Variants in ZDHHC9 observed in about 807,000 individuals in gnomAD.
The protein encoded by ZDHHC9 is zDHHC palmitoyltransferase 9.
ZDHHC9 carries 3 observed loss-of-function variants against 26.6 expected under a neutral mutation model. The ratio of observed to expected loss-of-function variants is 0.11; its 90% CI spans 0.05 to 0.29. The LOEUF is 0.29. Among genes scored for constraint, ZDHHC9 ranks in the 10% least tolerant of loss-of-function variants. ZDHHC9 has a pLI of 1.00. For synonymous variants in ZDHHC9, 111 were observed against 109.4 expected (o/e 1.01, Z -0.09); for missense variants, 146 against 296.4 (o/e 0.49, Z 3.73).
chrX:129,836,866 CA>C (rs1414410576), intron 3 of ZDHHC9, among the ~76,000 whole-genome samples: 3 of 112,374 alleles, frequency 2.7e-5, no homozygotes, highest in Non-Finnish European at 5.6e-5. Flanking sequence ...CACTGGGTAA[CA>C]CACACACTAG....
rs1927446592 is a variant in ZDHHC9 at position 129,803,731 on chromosome X, C to T, written c.*2639G>A. ...GAAATGGCTCACCACAGCCAATTTCCACCTGCCCCCAGAGGTTTGGGATCA... is the reference window on the plus strand; with the variant it reads ...GAAATGGCTCACCACAGCCAATTTCTACCTGCCCCCAGAGGTTTGGGATCA... On this transcript the variant is annotated 3_prime_UTR_variant, in exon 11 of 11. Coordinates refer to ENST00000357166, the MANE Select transcript of ZDHHC9 (RefSeq NM_016032.4). The T allele has an allele frequency of 8.9e-6, 1 of 111,902 alleles. No homozygotes were observed. Among genetic ancestry groups the T allele is most frequent in the African/African-American group, 3.3e-5 (1 of 30,748 alleles). 9.2% of individuals were successfully genotyped at this position (111,902 alleles called of 1,213,427 possible).
At chrX:129,822,162 A>C (rs1201664999) in intron 5 of ZDHHC9, among the ~76,000 whole-genome samples, 3 of 111,256 alleles carry the variant, frequency 2.7e-5, no homozygotes, top group African/African-American at 9.8e-5. Flanking sequence ...ACATATGTTT[A>C]TTGCAGCACT....
At chrX:129,821,980 T>C (rs1469014448) in intron 5 of ZDHHC9, among the ~76,000 whole-genome samples, 1 of 110,864 alleles carries the variant, frequency 9.0e-6, no homozygotes, top group Non-Finnish European at 1.9e-5. Flanking sequence ...TGTGGAGAAA[T>C]AGGAACACTT....
Position 129,813,742 on chromosome X carries a change from A to G in ZDHHC9, c.626-17T>C. ...TCAAAGATTCTGTGAAATTGGATGG[A>G]AGAGTAGAGAGAAAAATTAGTGACT... On this transcript the variant is annotated splice_polypyrimidine_tract_variant and intron_variant, in intron 6 of 10. Transcript: ENST00000357166. The G allele has an allele frequency of 8.3e-7, 1 of 1,200,782 alleles. No individual in the cohort carries two copies.
In ZDHHC9 at chrX:129,805,652, T is replaced by C. The variant is rs1927498475; in HGVS notation, c.*718A>G. ...GCATCTCATAAATTCTTATTGAGAA[T>C]GGCACAGGTATTAAAAAAGTTTCTG... On this transcript the variant is annotated 3_prime_UTR_variant, in exon 11 of 11. Transcript: ENST00000357166. The C allele has an allele frequency of 8.9e-6, 1 of 112,462 alleles. No individual in the cohort carries two copies. The highest frequency in any genetic ancestry group is 1.9e-5 in the Non-Finnish European group (1 of 53,284). The allele number at this position is 112,462 out of a possible 1,213,427, so 9.3% of individuals were successfully genotyped here.
At chrX:129,811,585 G>A in intron 8 of ZDHHC9, 76 bp from the exon 9 acceptor site, 3 of 822,563 alleles carry the variant, frequency 3.6e-6, no homozygotes, top group Admixed American at 3.0e-5. Context: ...ATTAAAAACA[G>A]ACACAAAAAA....
intron 5 of ZDHHC9, among the ~76,000 whole-genome samples, chrX:129,817,743 T>C (rs1332820449): frequency 9.5e-6 from 1 of 105,243 alleles, no homozygotes; most frequent in African/African-American, 3.4e-5. Context: ...TTTTTGTGTC[T>C]TTTTTTTTTT....
At chrX:129,833,311 G>A (rs1928189302) in intron 3 of ZDHHC9, among the ~76,000 whole-genome samples, 1 of 111,908 alleles carries the variant, frequency 8.9e-6, no homozygotes, top group Admixed American at 9.5e-5. Context: ...CCCTCAGGCG[G>A]CACGGTGGTA....
chrX:129,842,789 T>G (rs1928411747), intron 2 of ZDHHC9, among the ~76,000 whole-genome samples: 1 of 112,626 alleles, frequency 8.9e-6, no homozygotes, highest in South Asian at 3.6e-4. Context: ...AGCCTAACAT[T>G]TGTGAGAATC....
chrX:129,812,664 G>GGATA, intron 8 of ZDHHC9, 54 bp downstream of exon 8: 1 of 1,053,695 alleles, frequency 9.5e-7, no homozygotes. Context: ...GGTAGCAAGA[G>GGATA]GATAGGCTTT....
chrX:129,808,814 T>C (rs904905082), intron 10 of ZDHHC9, among the ~76,000 whole-genome samples: 2 of 112,171 alleles, frequency 1.8e-5, no homozygotes, highest in African/African-American at 6.5e-5. Context: ...GCAAATTGTA[T>C]ATCTGGTAAG....
chrX:129,821,322 T>C (rs1005337778), intron 5 of ZDHHC9, among the ~76,000 whole-genome samples: 2 of 105,081 alleles, frequency 1.9e-5, no homozygotes, highest in African/African-American at 7.1e-5. Context: ...AGATGGAGTC[T>C]TGCTCTGTCA....
intron 3 of ZDHHC9, among the ~76,000 whole-genome samples, chrX:129,835,542 G>A (rs140317263): frequency 0.061 from 6,764 of 111,229 alleles, 504 homozygotes; most frequent in African/African-American, 0.21. Flanking sequence ...CAGCACTTTG[G>A]GAGGCAGAGG....
rs1043010601 is a variant in ZDHHC9 at position 129,841,660 on chromosome X, C to G, written c.167+119G>C. 10 of 892,809 alleles carry G rather than the reference C, an allele frequency of 1.1e-5. No homozygotes were observed. In the African/African-American group the frequency reaches 1.8e-4, roughly 16 times the overall value. 73.6% of individuals were successfully genotyped at this position (892,809 alleles called of 1,213,427 possible). A position where few individuals can be genotyped will look rare whatever the true frequency, so the allele number is the denominator to read the frequency against. ...TGAATTCAGCTGGCATCTCTACAGA[C>G]ATCGCTCAAGAGGACGTTAAAGTCA... On this transcript the variant is annotated intron_variant, in intron 3 of 10. Coordinates refer to ENST00000357166, the MANE Select transcript of ZDHHC9 (RefSeq NM_016032.4).
In ZDHHC9 at chrX:129,841,948, T is replaced by C. The variant is rs373078394; in HGVS notation, c.-3A>G. 33 of 1,209,450 alleles carry C rather than the reference T, an allele frequency of 2.7e-5. No individual in the cohort carries two copies. The highest frequency in any genetic ancestry group is 6.6e-5 in the Admixed American group (3 of 45,665). On this transcript the variant is annotated 5_prime_UTR_variant, in exon 3 of 11. Transcript: ENST00000357166. ...TTTCTCACCACCATCACAGACATGA[T>C]TGGAATTCCTGCTCCAAAATGGGTT...
intron 10 of ZDHHC9, among the ~76,000 whole-genome samples, chrX:129,807,320 C>T (rs373737077): frequency 2.0e-4 from 22 of 108,657 alleles, no homozygotes; most frequent in South Asian, 2.0e-3. Context: ...GTGGCGGGCG[C>T]CTGTAGTCCC....
chrX:129,820,812 G>A (rs780952638), intron 5 of ZDHHC9, among the ~76,000 whole-genome samples: 34 of 111,506 alleles, frequency 3.0e-4, no homozygotes, highest in African/African-American at 1.1e-3. Flanking sequence ...TGTGCAGGAT[G>A]TGCAGGTTTG....
intron 4 of ZDHHC9, among the ~76,000 whole-genome samples, chrX:129,825,658 G>A (rs753824735): frequency 1.4e-4 from 15 of 110,661 alleles, no homozygotes; most frequent in Non-Finnish European, 2.5e-4. Context: ...AATCTCCTTC[G>A]ATCACCACCT....
At chrX:129,842,691 G>A (rs1393247042) in intron 2 of ZDHHC9, among the ~76,000 whole-genome samples, 3 of 113,000 alleles carry the variant, frequency 2.7e-5, no homozygotes, top group South Asian at 7.3e-4. Context: ...GTGCACATAC[G>A]TGCATTGTAT....
Sources: gnomAD v4.1 joint callset for allele counts (sites outside exome capture counted in the v4.1 genomes callset) on GRCh38, gnomAD v4.1.1 for gene constraint, MANE v1.5 for transcripts, NCBI Gene and HGNC (gene_info 2026-07-23, HGNC 2026-07-21) for gene names.